The following CSTPP1 variants were observed in gnomAD, a reference collection of about 807,000 sequenced individuals.
CSTPP1 encodes UPF0705 protein C11orf49.
At chr11:46,955,306 A>T in the CSTPP1 span, among the ~76,000 whole-genome samples, 1 of 152,008 alleles carries the variant, frequency 6.6e-6, no homozygotes, top group African/African-American at 2.4e-5. Context: ...ATTAGAAATT[A>T]AAAGTAAGTA....
the CSTPP1 span, chr11:47,052,320 A>G: frequency 3.9e-6 from 6 of 1,540,110 alleles, no homozygotes; most frequent in Admixed American, 2.1e-5. Context: ...TCTGGTCTCA[A>G]TTTTTCATTC....
At chr11:46,938,371 T>G in the CSTPP1 span, among the ~76,000 whole-genome samples, 1 of 148,924 alleles carries the variant, frequency 6.7e-6, no homozygotes, top group South Asian at 2.1e-4. Context: ...TATATTATTA[T>G]AGATACATAT....
the CSTPP1 span, among the ~76,000 whole-genome samples, chr11:47,060,475 C>T: frequency 6.6e-6 from 1 of 151,794 alleles, no homozygotes; most frequent in African/African-American, 2.4e-5. Flanking sequence ...TGGGCTCAAG[C>T]AGTCCACCCG....
At chr11:46,953,124 A>G in the CSTPP1 span, among the ~76,000 whole-genome samples, 1 of 152,152 alleles carries the variant, frequency 6.6e-6, no homozygotes, top group East Asian at 1.9e-4. Context: ...AGGTCAAAGA[A>G]GATACGGGCT....
chr11:47,039,688 AT>A, the CSTPP1 span, among the ~76,000 whole-genome samples: 1 of 127,614 alleles, frequency 7.8e-6, no homozygotes, highest in Admixed American at 8.3e-5. Context: ...AATACAAAAA[AT>A]TTAGCTGGGC....
chr11:46,940,175 G>A, the CSTPP1 span, among the ~76,000 whole-genome samples: 2 of 152,132 alleles, frequency 1.3e-5, no homozygotes, highest in South Asian at 2.1e-4. Context: ...GCCTGGCCTC[G>A]AAGTAATTTC....
At chr11:47,060,164 C>T in the CSTPP1 span, among the ~76,000 whole-genome samples, 2 of 150,954 alleles carry the variant, frequency 1.3e-5, no homozygotes, top group African/African-American at 4.9e-5. Context: ...TTAAGTAACT[C>T]ACACAAGGCC....
At chr11:47,009,464 G>A in the CSTPP1 span, among the ~76,000 whole-genome samples, 1 of 152,048 alleles carries the variant, frequency 6.6e-6, no homozygotes, top group African/African-American at 2.4e-5. Context: ...ATGAGGATAG[G>A]GCCAGTTTGT....
chr11:47,020,879 A>G, the CSTPP1 span, among the ~76,000 whole-genome samples: 2 of 152,320 alleles, frequency 1.3e-5, no homozygotes, highest in South Asian at 2.1e-4. Context: ...GAGGAGATAT[A>G]TAGTTTTCAG....
chr11:47,017,897 G>T, the CSTPP1 span, among the ~76,000 whole-genome samples: 1 of 150,664 alleles, frequency 6.6e-6, no homozygotes, highest in African/African-American at 2.4e-5. Context: ...CGAACTCCTG[G>T]CCTCAAGTGA....
At chr11:47,073,540 AT>A in the CSTPP1 span, among the ~76,000 whole-genome samples, 2 of 152,162 alleles carry the variant, frequency 1.3e-5, no homozygotes, top group African/African-American at 4.8e-5. Context: ...TTTGAGAAAT[AT>A]TTTAAAACTT....
chr11:47,111,124 C>G, the CSTPP1 span, among the ~76,000 whole-genome samples: 1 of 152,152 alleles, frequency 6.6e-6, no homozygotes, highest in South Asian at 2.1e-4. Context: ...GATCTCCTGA[C>G]CTCGTGATCT....
the CSTPP1 span, among the ~76,000 whole-genome samples, chr11:46,974,146 T>G: frequency 6.6e-6 from 1 of 152,098 alleles, no homozygotes; most frequent in African/African-American, 2.4e-5. Flanking sequence ...GGCAGGAGGA[T>G]TCCTTGAGCC....
chr11:46,940,737 CACAG>C, the CSTPP1 span, among the ~76,000 whole-genome samples: 1 of 152,102 alleles, frequency 6.6e-6, no homozygotes, highest in Non-Finnish European at 1.5e-5. Context: ...AAGGGGATAT[CACAG>C]ACAATTTTGT....
At chr11:47,126,565 C>A in the CSTPP1 span, among the ~76,000 whole-genome samples, 1 of 152,150 alleles carries the variant, frequency 6.6e-6, no homozygotes, top group Non-Finnish European at 1.5e-5. Context: ...CCAAGGAATT[C>A]CAGGCTGCAG....
chr11:46,984,700 C>T, the CSTPP1 span, among the ~76,000 whole-genome samples: 1 of 149,658 alleles, frequency 6.7e-6, no homozygotes, highest in African/African-American at 2.5e-5. Flanking sequence ...GGAGAAGCAG[C>T]AGGATTTGCT....
At chr11:47,009,780 C>T in the CSTPP1 span, among the ~76,000 whole-genome samples, 1 of 151,320 alleles carries the variant, frequency 6.6e-6, no homozygotes, top group Non-Finnish European at 1.5e-5. Flanking sequence ...TGCACTCTAG[C>T]ATGGGCAACA....
At chr11:47,057,967 T>A in the CSTPP1 span, among the ~76,000 whole-genome samples, 1 of 152,142 alleles carries the variant, frequency 6.6e-6, no homozygotes, top group African/African-American at 2.4e-5. Context: ...CAAAATTCAA[T>A]AATCTTTAAA....
chr11:47,063,471 C>T, the CSTPP1 span, among the ~76,000 whole-genome samples: 27 of 152,256 alleles, frequency 1.8e-4, no homozygotes, highest in Admixed American at 1.6e-3. Context: ...AGCCATTAAA[C>T]AATGACTCCC....
Sources: allele counts gnomAD v4.1 joint callset (sites outside exome capture counted in the v4.1 genomes callset), GRCh38; gene constraint gnomAD v4.1.1; transcripts MANE v1.5; gene names NCBI Gene and HGNC (gene_info 2026-07-23, HGNC 2026-07-21).